The following FAN1 variants were observed in gnomAD, a reference collection of about 807,000 sequenced individuals.
The protein encoded by FAN1 is fanconi-associated nuclease 1.
Under a neutral mutation model 104.9 loss-of-function variants are expected in FAN1, and 91 were observed. The observed-to-expected ratio is 0.87, with a 90% CI of 0.73 to 1.03. FAN1 has a LOEUF of 1.03. FAN1 is among the 50% of genes least tolerant of loss of function. The probability of loss-of-function intolerance (pLI) is 0.00; values close to 1 mark genes in which losing one functional copy is unlikely to be tolerated. For missense variants in FAN1, 1,263 were observed against 1,239.9 expected (o/e 1.02, Z -0.28); for synonymous variants, 478 against 457.6 (o/e 1.04, Z -0.57).
In FAN1 at chr15:30,929,885, A is replaced by G. The variant is rs1427832553; in HGVS notation, c.2787+488A>G. On this transcript the variant is annotated intron_variant, in intron 12 of 14. Coordinates refer to ENST00000362065, the MANE Select transcript of FAN1 (RefSeq NM_014967.5). The stretch of plus-strand genomic sequence containing the variant: ...ATAATATATATAAAATATATAATAT[A>G]TATCATATATAATATATAAAATATA... Among the ~76,000 whole-genome samples the G allele has an allele frequency of 1.8e-4, 16 of 88,084 alleles. 1 individual carries two copies. Among genetic ancestry groups the G allele is most frequent in the African/African-American group, 6.4e-4 (14 of 22,046 alleles). 57.8% of individuals were successfully genotyped at this position (88,084 alleles called of 152,430 possible).
chr15:30,931,117 C>T (rs1465236897), intron 13 of FAN1, among the ~76,000 whole-genome samples: 2 of 152,296 alleles, frequency 1.3e-5, no homozygotes, highest in Non-Finnish European at 2.9e-5. Flanking sequence ...ATACCCCATT[C>T]CCCTTGATGT....
At position 30,942,939 on chromosome 15, in the gene FAN1, C is replaced by T. The variant is rs1418487979; in HGVS notation, c.*1377C>T. On this transcript the variant is annotated 3_prime_UTR_variant, in exon 15 of 15. Coordinates refer to ENST00000362065, the MANE Select transcript of FAN1 (RefSeq NM_014967.5). ...GGAGCCATTCTGTATACAAGGTGTG[C>T]TCTTTCCAATGTAGAAGGGGTTATG... is the stretch of plus-strand genomic sequence containing the variant. 1.3e-6 allele frequency: 2 copies of T among 1,566,816 alleles called. No individual in the cohort carries two copies. The highest frequency in any genetic ancestry group is 2.3e-5 in the South Asian group (2 of 85,188).
chr15:30,923,272 A>G (rs1291306419), intron 8 of FAN1, among the ~76,000 whole-genome samples: 1 of 152,016 alleles, frequency 6.6e-6, no homozygotes, highest in East Asian at 1.9e-4. Context: ...CTTCCTTACC[A>G]CTCGGTGTTT....
At chr15:30,941,261 G>A in intron 14 of FAN1, 1 of 1,469,318 alleles carries the variant, frequency 6.8e-7, no homozygotes, top group Non-Finnish European at 9.0e-7. Flanking sequence ...GACCTGTAAT[G>A]ACAGAAAGAG....
Position 30,939,696 on chromosome 15 carries a change from G to C in FAN1, c.*4-1870G>C, listed in dbSNP as rs1280778410. On this transcript the variant is annotated intron_variant, in intron 14 of 14. Transcript: ENST00000362065. ...GGAAGAAAATTACAGAGGGAAAAAT[G>C]CTCAATCCAAAACATTTAGTAATAA... 6 of 965,926 alleles carry C rather than the reference G, an allele frequency of 6.2e-6. No individual in the cohort carries two copies. The African/African-American group carries it at 7.0e-5, about 11-fold the overall frequency. 59.8% of individuals were successfully genotyped at this position (965,926 alleles called of 1,614,324 possible).
chr15:30,941,132 TG>T (rs2063033378), intron 14 of FAN1: 1 of 1,269,438 alleles, frequency 7.9e-7, no homozygotes, highest in Admixed American at 2.7e-5. Context: ...TGTTGTCTGC[TG>T]CCTGGGGCTG....
intron 8 of FAN1, among the ~76,000 whole-genome samples, chr15:30,923,990 C>T (rs141935439): frequency 9.8e-4 from 150 of 152,312 alleles, no homozygotes; most frequent in Admixed American, 2.0e-3. Context: ...TAGGCAACTA[C>T]GCCCCGCTTT....
Position 30,910,782 on chromosome 15 carries a change from A to G in FAN1, c.1544A>G (p.Asn515Ser). 2.5e-6 allele frequency: 4 copies of G among 1,614,186 alleles called. No individual in the cohort carries two copies. The highest frequency in any genetic ancestry group is 3.4e-6 in the Non-Finnish European group (4 of 1,180,018). Residue 515 changes from asparagine to serine, a missense_variant, in exon 4 of 15, where the codon AAT becomes AGT. This residue lies in a region of FAN1 where 581 missense variants were observed against 668.8 expected (regional missense o/e 0.87). Transcript: ENST00000362065. ...KQRSVCTWGK[N>S]KPGIGAVILK... ...CGTTCAGTCTGCACTTGGGGCAAGA[A>G]TAAGCCTGGAATTGGTGCAGTGATT...
At chr15:30,918,860 G>T (rs559730129) in intron 6 of FAN1, among the ~76,000 whole-genome samples, 1 of 152,138 alleles carries the variant, frequency 6.6e-6, no homozygotes, top group South Asian at 2.1e-4. Flanking sequence ...AATCATTTAG[G>T]ATATACAGTT....
chr15:30,925,437 A>G, intron 9 of FAN1, 146 bp downstream of exon 9: 3 of 810,756 alleles, frequency 3.7e-6, no homozygotes, highest in Non-Finnish European at 5.7e-6. Context: ...CTGTGTGGCC[A>G]TTGCTCCCAG....
chr15:30,904,779 C>T lies in FAN1; in HGVS notation c.116C>T (p.Pro39Leu). 2 of 1,613,612 alleles carry T rather than the reference C, an allele frequency of 1.2e-6. No individual in the cohort carries two copies. Among genetic ancestry groups the T allele is most frequent in the Non-Finnish European group, 1.7e-6 (2 of 1,179,600 alleles). ...SIISCFNNAP[P>L]AKLACPVCSK... ...ATTTCGTGTTTTAACAATGCACCACCTGCTAAACTTGCCTGCCCCGTTTGC... is the reference window on the plus strand; with the variant it reads ...ATTTCGTGTTTTAACAATGCACCACTTGCTAAACTTGCCTGCCCCGTTTGC... Residue 39 changes from proline to leucine, a missense_variant, in exon 2 of 15, where the codon CCT becomes CTT. Transcript: ENST00000362065.
intron 10 of FAN1, chr15:30,928,269 C>T (rs972252913): frequency 9.0e-5 from 109 of 1,205,790 alleles, no homozygotes; most frequent in Middle Eastern, 3.4e-4. Context: ...TTAGGTTATT[C>T]ACTAAAGTTT....
At chr15:30,939,111 CTACTGCAGCAAGCAGA>C in intron 14 of FAN1, 1 of 985,438 alleles carries the variant, frequency 1.0e-6, no homozygotes, top group African/African-American at 1.7e-5. Context: ...CTTGAGGTTA[CTACTGCAGCAAGCAGA>C]TTTTGTTGAC....
In FAN1 at chr15:30,942,067, GCT is replaced by G. The variant is rs1201558406; in HGVS notation, c.*506_*507del. The G allele has an allele frequency of 6.2e-7, 1 of 1,612,726 alleles. No homozygotes were observed. The highest frequency in any genetic ancestry group is 8.5e-7 in the Non-Finnish European group (1 of 1,179,260). ...GCATTCCTCTTAGTGTGGAGCTGTA[GCT>G]TTTCTATACAGAAGAGATTTTATTA... On this transcript the variant is annotated 3_prime_UTR_variant, in exon 15 of 15. Transcript: ENST00000362065.
Position 30,932,923 on chromosome 15 carries a change from ATGT to A in FAN1, c.2916+2255_2916+2257del, listed in dbSNP as rs138900783. Among the ~76,000 whole-genome samples the A allele has an allele frequency of 2.3e-3, 348 of 149,124 alleles. 5 individuals carry two copies. Among genetic ancestry groups the A allele is most frequent in the African/African-American group, 8.4e-3 (339 of 40,294 alleles). Reference sequence around the variant, plus strand: ...TTTTTAGTAGAGATGAGGTTTTGCCATGTTGGCCAGGCTGGTCTTGAACTCCTG... The same window carrying A: ...TTTTTAGTAGAGATGAGGTTTTGCCATGGCCAGGCTGGTCTTGAACTCCTG... On this transcript the variant is annotated intron_variant, in intron 13 of 14. Transcript: ENST00000362065.
chr15:30,910,196 T>C (rs2062068046), intron 3 of FAN1, among the ~76,000 whole-genome samples: 1 of 152,242 alleles, frequency 6.6e-6, no homozygotes, highest in South Asian at 2.1e-4. Flanking sequence ...GGCTCACGAA[T>C]GCCGAGTGAG....
rs1382167691 is a variant in FAN1 at position 30,905,650 on chromosome 15, T to C, written c.987T>C (p.Asp329=). 11 of 1,613,898 alleles carry C rather than the reference T, an allele frequency of 6.8e-6. No homozygotes were observed. The highest frequency in any genetic ancestry group is 9.3e-6 in the Non-Finnish European group (11 of 1,179,848). ...SEAKSHSSAD[D]ASAWSNIQEA... ...CAAAATCTCATAGTTCTGCAGATGA[T>C]GCTTCTGCATGGAGTAACATCCAAG... The change falls in exon 2 of 15, where the codon GAT becomes GAC. Residue 329 remains aspartate, a synonymous_variant. Coordinates refer to ENST00000362065, the MANE Select transcript of FAN1 (RefSeq NM_014967.5).
At position 30,904,702 on chromosome 15, in the gene FAN1, TC is replaced by T. The variant is rs764248199; in HGVS notation, c.40del (p.Arg14ValfsTer43). On this transcript the variant is annotated frameshift_variant, in exon 2 of 15. Transcript: ENST00000362065. LOFTEE classifies it high-confidence loss of function. ...GGAAACCTCCTGACAAAAAAAGGCC[TC>T]GTAGAAGCTTATCAATCAGCAAGAA... ...EGKPPDKKRP[R>X]RSLSISKNKK... The T allele has an allele frequency of 1.9e-6, 3 of 1,606,280 alleles. No individual in the cohort carries two copies. The South Asian group carries it at 3.3e-5, about 18-fold the overall frequency.
At chr15:30,918,904 C>T (rs1017367207) in intron 6 of FAN1, among the ~76,000 whole-genome samples, 6 of 152,136 alleles carry the variant, frequency 3.9e-5, no homozygotes, top group African/African-American at 1.4e-4. Context: ...GGGGTACCGA[C>T]CCCTCAGACA....
Sources: allele counts gnomAD v4.1 joint callset (sites outside exome capture counted in the v4.1 genomes callset), GRCh38; gene constraint gnomAD v4.1.1; regional missense constraint gnomAD v4.1.1; transcripts MANE v1.5; gene names NCBI Gene and HGNC (gene_info 2026-07-23, HGNC 2026-07-21).